The following LCN15 variants were observed in gnomAD, a reference collection of about 807,000 sequenced individuals.
LCN15 encodes the protein lipocalin-15.
A neutral mutation model predicts 23.1 loss-of-function variants in LCN15; 26 were observed. The observed-to-expected ratio is 1.13, with a 90% CI of 0.82 to 1.56. The LOEUF is 1.56. LCN15 is among the 40% of genes most tolerant of loss of function. LCN15 has a pLI of 0.00. For synonymous variants in LCN15, 107 were observed against 98.3 expected, an observed-to-expected ratio of 1.09 and a Z score of -0.52; for missense variants, 241 against 239.5, an observed-to-expected ratio of 1.01 and a Z score of -0.04.
rs775075799 is a variant in LCN15, at chr9:136,763,311, GGAAGTT to G, written c.418+40_418+45del. The G allele has an allele frequency of 4.5e-6, 5 of 1,111,634 alleles. No homozygotes were observed. In the South Asian group the frequency reaches 8.0e-5, roughly 18 times the overall value. 68.9% of individuals were successfully genotyped at this position (1,111,634 alleles called of 1,614,324 possible). On this transcript the variant is annotated intron_variant, in intron 4 of 6. Coordinates refer to ENST00000316144, the MANE Select transcript of LCN15 (RefSeq NM_203347.2). ...GGCAGAACGGGGGGCGGGGCCTGTG[GGAAGTT>G]GGGGAGGGGCCAGTGCGGGGAGGTG...
At chr9:136,763,581 G>A (rs1315221695) in intron 3 of LCN15, 114 bp from the exon 4 acceptor site, 17 of 1,221,012 alleles carry the variant, frequency 1.4e-5, no homozygotes, top group Non-Finnish European at 1.6e-5. Flanking sequence ...GAAGACAGAG[G>A]AGGGGCGGGG....
chr9:136,763,027 TGC>T (rs892852117), intron 4 of LCN15, among the ~76,000 whole-genome samples: 4 of 149,086 alleles, frequency 2.7e-5, no homozygotes, highest in Non-Finnish European at 1.5e-5. Context: ...GAGAGGAGCA[TGC>T]ACCGCGGGAC....
chr9:136,760,511 G>T (rs995337958), intron 6 of LCN15, among the ~76,000 whole-genome samples: 1 of 152,172 alleles, frequency 6.6e-6, no homozygotes, highest in Non-Finnish European at 1.5e-5. Flanking sequence ...ACCTCCTCCC[G>T]CCATGCCAGG....
Position 136,762,231 on chromosome 9 carries a change from G to C in LCN15, c.477C>G (p.Thr159=), listed in dbSNP as rs749655158. The C allele has an allele frequency of 6.2e-7, 1 of 1,601,676 alleles. No homozygotes were observed. The highest frequency in any genetic ancestry group is 1.1e-5 in the South Asian group (1 of 89,438). The part of the protein sequence containing the change: ...ALKSFQDFYP[T]LGLPKDMMVM... ...CCATCATGTCCTTGGGGAGCCCCAG[G>C]GTCGGGTAGAAGTCCTGGAAGGACT... is the stretch of plus-strand genomic sequence containing the variant. The change falls in exon 5 of 7, where the codon ACC becomes ACG. Residue 159 remains threonine (T), a synonymous_variant. Coordinates refer to ENST00000316144, the MANE Select transcript of LCN15 (RefSeq NM_203347.2).
intron 2 of LCN15, 41 bp from the exon 3 acceptor site, chr9:136,763,824 C>T: frequency 1.2e-6 from 2 of 1,613,376 alleles, no homozygotes; most frequent in Non-Finnish European, 8.5e-7. Context: ...ACCCAGCTAC[C>T]TCAGCTCCCC....
At chr9:136,763,153 G>A (rs916680644) in intron 4 of LCN15, among the ~76,000 whole-genome samples, 8 of 151,668 alleles carry the variant, frequency 5.3e-5, no homozygotes, top group African/African-American at 1.9e-4. Flanking sequence ...GAGAGGGCAT[G>A]GGGCAGCACC....
intron 4 of LCN15, among the ~76,000 whole-genome samples, chr9:136,763,080 G>T (rs1212766954): frequency 6.6e-6 from 1 of 151,764 alleles, no homozygotes; most frequent in African/African-American, 2.4e-5. Flanking sequence ...AAGCACGGCG[G>T]GCCCAGCTCC....
In LCN15 at chr9:136,764,180, T is replaced by G. The variant is rs1043841883; in HGVS notation, c.97-171A>C. 26 of 863,394 alleles carry G rather than the reference T, an allele frequency of 3.0e-5. No homozygotes were observed. In the African/African-American group the frequency reaches 4.1e-4, roughly 14 times the overall value. 53.5% of individuals were successfully genotyped at this position (863,394 alleles called of 1,614,324 possible). A position where few individuals can be genotyped will look rare whatever the true frequency, so the allele number is the denominator to read the frequency against. Reference sequence around the variant, plus strand: ...GGAACTCATCTTGGGTAGGTCACAGTGCAACTGTGAGCCTCAGTTCCCAGC... The same window carrying G: ...GGAACTCATCTTGGGTAGGTCACAGGGCAACTGTGAGCCTCAGTTCCCAGC... On this transcript the variant is annotated intron_variant, in intron 1 of 6. Coordinates refer to ENST00000316144, the MANE Select transcript of LCN15 (RefSeq NM_203347.2).
At chr9:136,764,219 C>T (rs894578503) in intron 1 of LCN15, 174 bp downstream of exon 1, 2 of 787,814 alleles carry the variant, frequency 2.5e-6, no homozygotes, top group Non-Finnish European at 4.1e-6. Flanking sequence ...GAAGTGGGTG[C>T]AGTAATGATC....
At position 136,764,456 on chromosome 9, in the gene LCN15, G is replaced by T; in HGVS notation, c.33C>A (p.Thr11=). 1 of 1,613,232 alleles carries T rather than the reference G, an allele frequency of 6.2e-7. No homozygotes were observed. Among genetic ancestry groups the T allele is most frequent in the Non-Finnish European group, 8.5e-7 (1 of 1,179,802 alleles). The stretch of plus-strand genomic sequence containing the variant: ...CCTGAGCCGTGGGCGCCCAGAGCAG[G>T]GTCAGGATTGCGCCGAGCAGGAATG... The part of the protein sequence containing the change: MMSFLLGAIL[T]LLWAPTAQAE... The change falls in exon 1 of 7, where the codon ACC becomes ACA. Residue 11 remains threonine (T), a synonymous_variant. Coordinates refer to ENST00000316144, the MANE Select transcript of LCN15 (RefSeq NM_203347.2).
chr9:136,763,992 G>C lies in LCN15; in HGVS notation c.114C>G (p.Tyr38Ter), dbSNP rs1434942413. ...FNAEKFSGLW[Y>*]VVSMASDCRV... The stretch of plus-strand genomic sequence containing the variant: ...TGCAGTCAGATGCCATGGAGACCAC[G>C]TACCAGAGGCCTGAGAACTGCCGGG... Residue 38 changes from tyrosine to a stop codon, truncating the protein, a stop_gained, in exon 2 of 7, where the codon TAC becomes TAG. Transcript: ENST00000316144. LOFTEE classifies it high-confidence loss of function. 29 of 1,613,082 alleles carry C rather than the reference G, an allele frequency of 1.8e-5. No individual in the cohort carries two copies. Among genetic ancestry groups the C allele is most frequent in the Non-Finnish European group, 2.5e-5 (29 of 1,179,968 alleles).
Position 136,763,770 on chromosome 9 carries a change from T to C in LCN15, c.250A>G (p.Asn84Asp). ...TTCAGGTACTCGGCATCCACCTGGT[T>C]ACAGCCGTCCGCCCTGGGGGTGCAC... ...HMEFPGADGC[N>D]QVDAEYLKVG... is the part of the protein sequence containing the mutation. Residue 84 changes from asparagine to aspartate, a missense_variant, in exon 3 of 7, where the codon AAC becomes GAC. Transcript: ENST00000316144. 1 of 1,613,494 alleles carries C rather than the reference T, an allele frequency of 6.2e-7. No homozygotes were observed. The highest frequency in any genetic ancestry group is 8.5e-7 in the Non-Finnish European group (1 of 1,179,972).
In LCN15 at chr9:136,761,903, G is replaced by T; in HGVS notation, c.521-50C>A. The T allele has an allele frequency of 7.7e-7, 1 of 1,303,972 alleles. No homozygotes were observed. The allele number at this position is 1,303,972 out of a possible 1,614,324, so 80.8% of individuals were successfully genotyped here. A position where few individuals can be genotyped will look rare whatever the true frequency, so the allele number is the denominator to read the frequency against. ...GATGCTGACGGCCAGGACCGCCCTC[G>T]CTTCCCGCAGCCCCCAACCCCTGGG... On this transcript the variant is annotated intron_variant, in intron 5 of 6. Coordinates refer to ENST00000316144, the MANE Select transcript of LCN15 (RefSeq NM_203347.2). The surrounding 1 kb of genome is among the most constrained non-coding windows in gnomAD (Gnocchi z 4.2).
In LCN15 at chr9:136,763,446, C is replaced by G; in HGVS notation, c.329G>C (p.Arg110Pro). Residue 110 changes from arginine to proline, a missense_variant, in exon 4 of 7, where the codon CGC (arginine) becomes CCC (proline). Arg to Pro is a moderately radical substitution (Grantham distance 103). Coordinates refer to ENST00000316144, the MANE Select transcript of LCN15 (RefSeq NM_203347.2). ...GGAGCTGTAGTCTGTGTCCACGATG[C>G]GCACGTCCAGGTAGCCCAAGGCTGC... is the stretch of plus-strand genomic sequence containing the variant. ...RVPALGYLDV[R>P]IVDTDYSSFA... 1 of 1,608,446 alleles carries G rather than the reference C, an allele frequency of 6.2e-7. No homozygotes were observed. Among genetic ancestry groups the G allele is most frequent in the Non-Finnish European group, 8.5e-7 (1 of 1,177,956 alleles).
At chr9:136,762,705 T>C (rs1384190727) in intron 4 of LCN15, among the ~76,000 whole-genome samples, 1 of 151,952 alleles carries the variant, frequency 6.6e-6, no homozygotes, top group Admixed American at 6.5e-5. Flanking sequence ...ATCGAGACCA[T>C]CCTGGCTAAC....
At chr9:136,762,427 C>T (rs1847330330) in intron 4 of LCN15, 138 bp from the exon 5 acceptor site, 2 of 642,530 alleles carry the variant, frequency 3.1e-6, no homozygotes, top group Non-Finnish European at 5.6e-6. Context: ...CGGCATAAAG[C>T]TCCTGCCTGG....
intron 1 of LCN15, 47 bp from the exon 2 acceptor site, chr9:136,764,056 GC>G: frequency 6.3e-7 from 1 of 1,596,848 alleles, no homozygotes; most frequent in African/African-American, 1.3e-5. Flanking sequence ...CAGCAGCAGG[GC>G]CCTCCTTGCC....
At position 136,762,229 on chromosome 9, in the gene LCN15, A is replaced by C. The variant is rs1300857810; in HGVS notation, c.479T>G (p.Leu160Arg). 1 of 1,600,536 alleles carries C rather than the reference A, an allele frequency of 6.2e-7. No individual in the cohort carries two copies. The highest frequency in any genetic ancestry group is 8.5e-7 in the Non-Finnish European group (1 of 1,174,384). The change falls in exon 5 of 7, where the codon CTG (leucine) becomes CGG (arginine). Residue 160 changes from leucine to arginine, a missense_variant. Physicochemically the swap from Leu to Arg is moderately radical, Grantham distance 102. Coordinates refer to ENST00000316144, the MANE Select transcript of LCN15 (RefSeq NM_203347.2). ...LKSFQDFYPT[L>R]GLPKDMMVML... ...GACCATCATGTCCTTGGGGAGCCCCAGGGTCGGGTAGAAGTCCTGGAAGGA... is the reference window on the plus strand; with the variant it reads ...GACCATCATGTCCTTGGGGAGCCCCCGGGTCGGGTAGAAGTCCTGGAAGGA...
Position 136,763,709 on chromosome 9 carries a change from C to G in LCN15, c.307+4G>C. The stretch of plus-strand genomic sequence containing the variant: ...CCCCTGAAGGCAGAGGAGGCAGGAC[C>G]TACCCGGGACTCTGAAGTGTCCCTC... On this transcript the variant is annotated splice_donor_region_variant and intron_variant, in intron 3 of 6. Transcript: ENST00000316144. 2 of 1,613,168 alleles carry G rather than the reference C, an allele frequency of 1.2e-6. No homozygotes were observed. The highest frequency in any genetic ancestry group is 1.7e-6 in the Non-Finnish European group (2 of 1,179,850).
Sources: allele counts gnomAD v4.1 joint callset (sites outside exome capture counted in the v4.1 genomes callset), GRCh38; gene constraint gnomAD v4.1.1; non-coding constraint Gnocchi (gnomAD v3.1); transcripts MANE v1.5; gene names NCBI Gene and HGNC (gene_info 2026-07-23, HGNC 2026-07-21).